ELAPOR1: variants seen among roughly 807,000 people sequenced by gnomAD.
ELAPOR1 encodes the protein endosome-lysosome associated apoptosis and autophagy regulator 1, also known as endosome/lysosome-associated apoptosis and autophagy regulator 1.
In ELAPOR1, 77 loss-of-function variants were observed where a neutral mutation model predicts 119.7. That is an observed-to-expected ratio of 0.64 (90% CI 0.54 to 0.78). The LOEUF (loss-of-function observed/expected upper bound fraction) is 0.78, where lower values mean the gene tolerates loss of function less well. ELAPOR1 is among the 30% of genes least tolerant of loss of function. The pLI, the probability that ELAPOR1 is intolerant of heterozygous loss-of-function variation, is 0.00. For synonymous variants in ELAPOR1, 481 were observed against 487.2 expected (o/e 0.99, Z 0.17); for missense variants, 1,115 against 1,270.4 (o/e 0.88, Z 1.86).
chr1:109,149,309 T>C (rs1169665273), intron 1 of ELAPOR1, among the ~76,000 whole-genome samples: 2 of 152,018 alleles, frequency 1.3e-5, no homozygotes, highest in Admixed American at 6.6e-5. Flanking sequence ...CAGTAGCTTT[T>C]TTTTTTTTAA....
chr1:109,118,894 GTTC>G (rs1648199550), intron 1 of ELAPOR1, among the ~76,000 whole-genome samples: 1 of 116,742 alleles, frequency 8.6e-6, no homozygotes, highest in South Asian at 2.5e-4. Flanking sequence ...CCTGTATTTG[GTTC>G]TTCTTTTTTT....
intron 8 of ELAPOR1, chr1:109,187,119 G>A (rs1341937598): frequency 2.0e-6 from 2 of 985,384 alleles, no homozygotes; most frequent in Non-Finnish European, 2.4e-6. Context: ...CACACCTCGA[G>A]CTGGCTCCTA....
At chr1:109,139,990 T>C (rs1250268024) in intron 1 of ELAPOR1, among the ~76,000 whole-genome samples, 1 of 152,196 alleles carries the variant, frequency 6.6e-6, no homozygotes, top group African/African-American at 2.4e-5. Context: ...CTCGAACTCC[T>C]GAGCTCAAAA....
chr1:109,128,806 A>C (rs1250193083), intron 1 of ELAPOR1, among the ~76,000 whole-genome samples: 1 of 152,236 alleles, frequency 6.6e-6, no homozygotes, highest in Admixed American at 6.5e-5. Flanking sequence ...CCAGAGCCCA[A>C]GTGGATCTAA....
chr1:109,133,586 A>C (rs1038183332), intron 1 of ELAPOR1, among the ~76,000 whole-genome samples: 1 of 152,208 alleles, frequency 6.6e-6, no homozygotes, highest in Non-Finnish European at 1.5e-5. Flanking sequence ...ATCTACCGAG[A>C]TTATTATGGG....
At chr1:109,123,194 G>A (rs574152750) in intron 1 of ELAPOR1, among the ~76,000 whole-genome samples, 9 of 152,300 alleles carry the variant, frequency 5.9e-5, no homozygotes, top group African/African-American at 1.9e-4. Context: ...AAGTCATTAT[G>A]TAGGGGCATA....
intron 1 of ELAPOR1, among the ~76,000 whole-genome samples, chr1:109,141,041 G>A (rs765697317): frequency 1.1e-3 from 165 of 151,988 alleles, no homozygotes; most frequent in Non-Finnish European, 1.7e-3. Flanking sequence ...TAGTAGAGAC[G>A]GGGTTTCACC....
At chr1:109,129,915 C>A in intron 1 of ELAPOR1, among the ~76,000 whole-genome samples, 1 of 152,204 alleles carries the variant, frequency 6.6e-6, no homozygotes, top group South Asian at 2.1e-4. Flanking sequence ...TTGTGTTCTG[C>A]AAGCCAGGAG....
chr1:109,198,843 G>C (rs900409533), intron 18 of ELAPOR1, among the ~76,000 whole-genome samples, 169 bp downstream of exon 18: 1 of 152,252 alleles, frequency 6.6e-6, no homozygotes, highest in Non-Finnish European at 1.5e-5. Flanking sequence ...CATATGGCAA[G>C]AATGGGGTAG....
chr1:109,136,702 T>C (rs1649493833), intron 1 of ELAPOR1, among the ~76,000 whole-genome samples: 1 of 152,192 alleles, frequency 6.6e-6, no homozygotes, highest in Admixed American at 6.5e-5. Flanking sequence ...TACTGCTAAA[T>C]ACCCTGAAAA....
Position 109,185,123 on chromosome 1 carries a change from C to T in ELAPOR1, c.1031C>T (p.Ala344Val), listed in dbSNP as rs1199232388. 6 of 1,613,510 alleles carry T rather than the reference C, an allele frequency of 3.7e-6. No individual in the cohort carries two copies. Among genetic ancestry groups the T allele is most frequent in the Non-Finnish European group, 5.1e-6 (6 of 1,179,410 alleles). The part of the protein sequence containing the change: ...DYFYTHTACD[A>V]NGETQLMYKW... ...TTCTACACACACACGGCCTGCGATG[C>T]CAACGGAGAGGTGGGTAGTACAGTC... Residue 344 changes from alanine to valine, a missense_variant, in exon 8 of 22, where the codon GCC (alanine) becomes GTC (valine). Coordinates refer to ENST00000369939, the MANE Select transcript of ELAPOR1 (RefSeq NM_020775.5).
rs751384901 is a variant in ELAPOR1 at position 109,114,254 on chromosome 1, G to A, written c.71G>A (p.Arg24Gln). 3.8e-6 allele frequency: 6 copies of A among 1,598,978 alleles called. No individual in the cohort carries two copies. In the South Asian group the frequency reaches 4.5e-5, roughly 12 times the overall value. ...GGAAGAACTGAGAGGCGCATACCCC[G>A]GCTGTGGCGGCTGCTGCTCTGGGCT... ...VRGRTERRIP[R>Q]LWRLLLWAGT... The change falls in exon 1 of 22, where the codon CGG (arginine) becomes CAG (glutamine). Residue 24 changes from arginine (R) to glutamine (Q), a missense_variant. Physicochemically the swap from Arg to Gln is conservative, Grantham distance 43 (BLOSUM62 1). Transcript: ENST00000369939.
chr1:109,165,608 A>C (rs1356533969), intron 3 of ELAPOR1, among the ~76,000 whole-genome samples: 8 of 151,776 alleles, frequency 5.3e-5, no homozygotes, highest in African/African-American at 1.7e-4. Context: ...AAAGAAAAAC[A>C]AAAACAAAAA....
At chr1:109,147,853 G>A (rs371330868) in intron 1 of ELAPOR1, among the ~76,000 whole-genome samples, 7 of 150,308 alleles carry the variant, frequency 4.7e-5, no homozygotes, top group South Asian at 2.1e-4. Context: ...TTTTCGAGGC[G>A]GAGTCTTGCT....
At chr1:109,122,829 C>G (rs1648533192) in intron 1 of ELAPOR1, among the ~76,000 whole-genome samples, 4 of 152,088 alleles carry the variant, frequency 2.6e-5, no homozygotes, top group Admixed American at 2.6e-4. Context: ...TGATGGTGTG[C>G]CCCTGTGGTC....
At chr1:109,127,996 C>A (rs1249914488) in intron 1 of ELAPOR1, among the ~76,000 whole-genome samples, 1 of 152,038 alleles carries the variant, frequency 6.6e-6, no homozygotes, top group Non-Finnish European at 1.5e-5. Flanking sequence ...GCCTTAGCCT[C>A]CTGTGCAGCT....
chr1:109,173,282 G>C (rs868610792), intron 5 of ELAPOR1, among the ~76,000 whole-genome samples, 192 bp from the exon 6 acceptor site: 8 of 152,118 alleles, frequency 5.3e-5, no homozygotes, highest in South Asian at 2.1e-4. Context: ...AGGGTTGTAA[G>C]AGGAGGCTTA....
At chr1:109,120,990 A>C (rs556288742) in intron 1 of ELAPOR1, among the ~76,000 whole-genome samples, 9 of 152,336 alleles carry the variant, frequency 5.9e-5, no homozygotes, top group African/African-American at 1.9e-4. Context: ...ACTGCTCTCT[A>C]TTCTATCTGA....
At chr1:109,115,282 A>C (rs113212636) in intron 1 of ELAPOR1, among the ~76,000 whole-genome samples, 16,924 of 152,160 alleles carry the variant, frequency 0.11, 1,208 homozygotes, top group African/African-American at 0.19. Flanking sequence ...TACAAGAACT[A>C]CGTTGGGGAA....
Sources: allele counts gnomAD v4.1 joint callset (sites outside exome capture counted in the v4.1 genomes callset), GRCh38; gene constraint gnomAD v4.1.1; transcripts MANE v1.5; gene names NCBI Gene and HGNC (gene_info 2026-07-23, HGNC 2026-07-21).